PTPRM: variants seen among roughly 807,000 people sequenced by gnomAD.
PTPRM encodes the protein receptor-type tyrosine-protein phosphatase mu.
PTPRM carries 47 observed loss-of-function variants against 186.7 expected under a neutral mutation model. The observed-to-expected ratio is 0.25, with a 90% CI of 0.20 to 0.32. The LOEUF (loss-of-function observed/expected upper bound fraction) is 0.32, where lower values mean the gene tolerates loss of function less well. Ranked by LOEUF, PTPRM falls within the 10% of genes least tolerant of loss-of-function variation. The pLI is 1.00. For missense variants in PTPRM, 1,494 were observed against 1,865.0 expected, an observed-to-expected ratio of 0.80 and a Z score of 3.66; for synonymous variants, 668 against 674.9, an observed-to-expected ratio of 0.99 and a Z score of 0.16.
intron 7 of PTPRM, among the ~76,000 whole-genome samples, chr18:8,036,731 T>C (rs1301910980): frequency 6.6e-6 from 1 of 152,162 alleles, no homozygotes; most frequent in Non-Finnish European, 1.5e-5. Flanking sequence ...TTCTGCACCA[T>C]TTCCTCCCCT....
chr18:7,821,527 C>T (rs922046861), intron 2 of PTPRM, among the ~76,000 whole-genome samples: 6 of 152,040 alleles, frequency 3.9e-5, no homozygotes, highest in Admixed American at 6.5e-5. Flanking sequence ...CTGAAACCAC[C>T]GAGGCAAGTA....
chr18:8,306,920 A>C (rs2095228101), intron 20 of PTPRM, among the ~76,000 whole-genome samples: 1 of 152,204 alleles, frequency 6.6e-6, no homozygotes, highest in Admixed American at 6.5e-5. Context: ...GTTTTCCTGA[A>C]AGAATGGTTG....
chr18:7,746,518 T>A (rs889229974), intron 1 of PTPRM, among the ~76,000 whole-genome samples: 7 of 151,784 alleles, frequency 4.6e-5, no homozygotes, highest in South Asian at 2.1e-4. Flanking sequence ...CAAGCCGGAG[T>A]GTAGTGGTGC....
At chr18:8,105,753 A>G (rs1486498930) in intron 11 of PTPRM, among the ~76,000 whole-genome samples, 2 of 152,196 alleles carry the variant, frequency 1.3e-5, no homozygotes, top group African/African-American at 2.4e-5. Flanking sequence ...TAGACAGGGA[A>G]GGTCAGGAAT....
intron 1 of PTPRM, among the ~76,000 whole-genome samples, chr18:7,737,349 C>T (rs983904657): frequency 6.6e-6 from 1 of 152,204 alleles, no homozygotes; most frequent in African/African-American, 2.4e-5. Flanking sequence ...CCTGCCTCGG[C>T]CTCCCAAAGT....
intron 7 of PTPRM, among the ~76,000 whole-genome samples, chr18:7,989,207 T>A (rs1217533386): frequency 2.0e-5 from 3 of 151,906 alleles, no homozygotes; most frequent in South Asian, 2.1e-4. Flanking sequence ...TTTTTTTTTT[T>A]AATTTCCTAG....
At chr18:8,214,696 C>G (rs954736051) in intron 14 of PTPRM, among the ~76,000 whole-genome samples, 17 of 152,302 alleles carry the variant, frequency 1.1e-4, no homozygotes, top group Middle Eastern at 6.8e-3. Flanking sequence ...TGGAGCCTCT[C>G]TCTGTCACCC....
rs1437840869 is a variant in PTPRM, at chr18:8,289,517, TATATATAC to T, written c.2755-6843_2755-6836del. Among the ~76,000 whole-genome samples the T allele has an allele frequency of 4.7e-3, 363 of 76,844 alleles. 12 individuals carry two copies. The highest frequency in any genetic ancestry group is 0.017 in the African/African-American group (343 of 20,314). The allele number at this position is 76,844 out of a possible 152,430, so 50.4% of individuals were successfully genotyped here. A position where few individuals can be genotyped will look rare whatever the true frequency, so the allele number is the denominator to read the frequency against. On this transcript the variant is annotated intron_variant, in intron 19 of 32. Transcript: ENST00000580170. ...ATATGTATATATGTGTGTGTATGTA[TATATATAC>T]ATATATATACACATATATATATATA...
chr18:8,198,005 C>A (rs7232511), intron 14 of PTPRM, among the ~76,000 whole-genome samples: 9 of 152,070 alleles, frequency 5.9e-5, no homozygotes, highest in African/African-American at 7.2e-5. Context: ...AAACAGCCAC[C>A]CTTGCTCTCT....
intron 23 of PTPRM, chr18:8,366,926 A>C (rs1202903235): frequency 1.3e-5 from 2 of 152,326 alleles, no homozygotes; most frequent in East Asian, 3.9e-4. Context: ...TGCAGGAGGC[A>C]GCCAAGCCAG....
intron 2 of PTPRM, among the ~76,000 whole-genome samples, chr18:7,817,636 T>C (rs331417): frequency 0.021 from 3,271 of 152,268 alleles, 112 homozygotes; most frequent in East Asian, 0.092. Context: ...TATCATATTA[T>C]TCCATGAAAT....
chr18:8,291,070 G>A (rs963097769), intron 19 of PTPRM, among the ~76,000 whole-genome samples: 4 of 152,278 alleles, frequency 2.6e-5, no homozygotes, highest in African/African-American at 7.2e-5. Flanking sequence ...TTAAGTTGCT[G>A]CTCTGCAGAT....
intron 11 of PTPRM, among the ~76,000 whole-genome samples, chr18:8,097,535 T>C (rs1041765751): frequency 6.6e-5 from 10 of 152,234 alleles, no homozygotes; most frequent in Non-Finnish European, 1.3e-4. Flanking sequence ...TGTTCAGTTA[T>C]TCTTCATTCA....
chr18:7,779,677 G>A (rs565557978), intron 2 of PTPRM, among the ~76,000 whole-genome samples: 3 of 152,258 alleles, frequency 2.0e-5, no homozygotes, highest in South Asian at 2.1e-4. Flanking sequence ...AGAAGATGAC[G>A]GTGGGCTTGA....
intron 1 of PTPRM, among the ~76,000 whole-genome samples, chr18:7,654,626 A>G (rs185856061): frequency 5.9e-5 from 9 of 152,226 alleles, no homozygotes; most frequent in East Asian, 3.9e-4. Flanking sequence ...TAATTTTAGC[A>G]TAGTATGTAG....
At position 7,850,130 on chromosome 18, in the gene PTPRM, C is replaced by T. The variant is rs182279417; in HGVS notation, c.197-37976C>T. On this transcript the variant is annotated intron_variant, in intron 2 of 32. Transcript: ENST00000580170. ...CTTCAGATGTGGGTGATTCATGTACCAATATGTCAGTCTTGAATAAGAACT... is the reference window on the plus strand; with the variant it reads ...CTTCAGATGTGGGTGATTCATGTACTAATATGTCAGTCTTGAATAAGAACT... 1.3e-3 allele frequency among the ~76,000 whole-genome samples: 193 copies of T among 152,194 alleles called. 1 individual carries two copies. Among genetic ancestry groups the T allele is most frequent in the African/African-American group, 4.5e-3 (187 of 41,530 alleles).
chr18:8,090,982 G>A (rs1361584535), intron 11 of PTPRM, among the ~76,000 whole-genome samples: 3 of 152,058 alleles, frequency 2.0e-5, no homozygotes, highest in Admixed American at 2.0e-4. Context: ...AAGGTGCCAG[G>A]CACACTCCAA....
chr18:8,274,106 T>C (rs1412138308), intron 19 of PTPRM, among the ~76,000 whole-genome samples: 1 of 152,210 alleles, frequency 6.6e-6, no homozygotes, highest in Non-Finnish European at 1.5e-5. Context: ...ACTGTCATGC[T>C]GTTTCGTGCT....
intron 1 of PTPRM, among the ~76,000 whole-genome samples, chr18:7,767,401 TAA>T (rs2042064199): frequency 6.6e-6 from 1 of 152,198 alleles, no homozygotes; most frequent in Non-Finnish European, 1.5e-5. Flanking sequence ...AAACAATTTT[TAA>T]TATACTGCTT....
Sources: allele counts gnomAD v4.1 joint callset (sites outside exome capture counted in the v4.1 genomes callset), GRCh38; gene constraint gnomAD v4.1.1; transcripts MANE v1.5; gene names NCBI Gene and HGNC (gene_info 2026-07-23, HGNC 2026-07-21).